The following FBRSL1 variants were observed in gnomAD, a reference collection of about 807,000 sequenced individuals.
FBRSL1 encodes the protein fibrosin like 1.
In FBRSL1, 51 loss-of-function variants were observed where a neutral mutation model predicts 89.6. The observed-to-expected ratio is 0.57, with a 90% confidence interval of 0.45 to 0.72. The LOEUF is 0.72. Among genes scored for constraint, FBRSL1 ranks in the 30% least tolerant of loss-of-function variants. FBRSL1 has a pLI of 0.00. For synonymous variants in FBRSL1, 779 were observed against 681.1 expected, an observed-to-expected ratio of 1.14 and a Z score of -2.24; for missense variants, 1,618 against 1,451.8, an observed-to-expected ratio of 1.11 and a Z score of -1.86.
chr12:132,569,471 G>A (rs1360826972), intron 6 of FBRSL1, among the ~76,000 whole-genome samples: 1 of 152,190 alleles, frequency 6.6e-6, no homozygotes, highest in Admixed American at 6.5e-5. Context: ...CATGCCCTGG[G>A]CTGAGGGCAC....
At chr12:132,501,156 G>C (rs914801680) in intron 1 of FBRSL1, among the ~76,000 whole-genome samples, 3 of 152,146 alleles carry the variant, frequency 2.0e-5, no homozygotes, top group African/African-American at 7.2e-5. Context: ...CTGCTCCCTG[G>C]GGCCCTGAGG....
chr12:132,577,021 C>T lies in FBRSL1; in HGVS notation c.1834+90C>T, dbSNP rs2040424446. Reference sequence around the variant, plus strand: ...CCTTCCTGTGCCAGGAGTGAGAGCGCTCTCTGGACCGCAGCACCAGCCTTT... The same window carrying T: ...CCTTCCTGTGCCAGGAGTGAGAGCGTTCTCTGGACCGCAGCACCAGCCTTT... On this transcript the variant is annotated intron_variant, in intron 15 of 18. Coordinates refer to ENST00000680143, the MANE Select transcript of FBRSL1 (RefSeq NM_001367871.1). 5 of 1,460,680 alleles carry T rather than the reference C, an allele frequency of 3.4e-6. No individual in the cohort carries two copies. In the South Asian group the frequency reaches 4.1e-5, roughly 12 times the overall value. The allele number at this position is 1,460,680 out of a possible 1,614,324, so 90.5% of individuals were successfully genotyped here.
chr12:132,525,635 T>TGGGGTGCC (rs2035727158), intron 2 of FBRSL1, 99 bp from the exon 3 acceptor site: 1 of 968,372 alleles, frequency 1.0e-6, no homozygotes, highest in South Asian at 1.5e-5. Flanking sequence ...GCCGGGGTGC[T>TGGGGTGCC]GGGGTGCCGG....
At chr12:132,521,225 G>A (rs1399153426) in intron 2 of FBRSL1, among the ~76,000 whole-genome samples, 1 of 152,252 alleles carries the variant, frequency 6.6e-6, no homozygotes, top group African/African-American at 2.4e-5. Context: ...GGAAGCGGGA[G>A]CTGCGAGGAG....
intron 5 of FBRSL1, among the ~76,000 whole-genome samples, chr12:132,559,662 A>G (rs2038945795): frequency 6.6e-6 from 1 of 152,110 alleles, no homozygotes; most frequent in African/African-American, 2.4e-5. Flanking sequence ...TCGGCCTCCC[A>G]AAGTGCTGTT....
intron 5 of FBRSL1, among the ~76,000 whole-genome samples, chr12:132,556,297 G>A (rs536501841): frequency 6.6e-6 from 1 of 152,274 alleles, no homozygotes; most frequent in Admixed American, 6.5e-5. Context: ...CTTGCTCAGA[G>A]AGTGCACACC....
At chr12:132,571,989 C>G (rs2040050980) in intron 9 of FBRSL1, 2 of 495,564 alleles carry the variant, frequency 4.0e-6, no homozygotes, top group Non-Finnish European at 7.1e-6. Context: ...CCCAGCGCGA[C>G]CCAGCAGCCA....
At chr12:132,551,501 C>G (rs146343797) in intron 5 of FBRSL1, 1 of 456,182 alleles carries the variant, frequency 2.2e-6, no homozygotes, top group Non-Finnish European at 4.4e-6. Flanking sequence ...GGGGAGGGCG[C>G]GGGCGCATGT....
chr12:132,497,982 T>C (rs1479645478), intron 1 of FBRSL1, among the ~76,000 whole-genome samples: 2 of 152,092 alleles, frequency 1.3e-5, no homozygotes, highest in East Asian at 3.9e-4. Context: ...GAAGTGGTCG[T>C]GTGGCAGCAG....
In FBRSL1 at chr12:132,583,436, G is replaced by T. The variant is rs1377524369; in HGVS notation, c.2667G>T (p.Glu889Asp). ...EPPERPYRDREPHGYSPERLR... is the reference protein window; with the variant it reads ...EPPERPYRDRDPHGYSPERLR... ...CGGAGCGCCCCTACCGCGACCGCGA[G>T]CCCCACGGCTACAGCCCCGAGCGCC... Residue 889 changes from glutamate to aspartate, a missense_variant, in exon 19 of 19, where the codon GAG becomes GAT. By Grantham distance (45) the Glu-to-Asp change is conservative (BLOSUM62 2). Transcript: ENST00000680143. 3 of 1,070,828 alleles carry T rather than the reference G, an allele frequency of 2.8e-6. No individual in the cohort carries two copies. The highest frequency in any genetic ancestry group is 3.4e-6 in the Non-Finnish European group (3 of 883,330). The allele number at this position is 1,070,828 out of a possible 1,614,324, so 66.3% of individuals were successfully genotyped here.
intron 8 of FBRSL1, 95 bp downstream of exon 8, chr12:132,570,635 G>C (rs758039361): frequency 5.3e-5 from 60 of 1,132,576 alleles, no homozygotes; most frequent in Non-Finnish European, 6.7e-5. Flanking sequence ...CCCTCCACCT[G>C]CTGTGGTCTC....
At chr12:132,536,070 AGT>A (rs934731066) in intron 4 of FBRSL1, among the ~76,000 whole-genome samples, 19 of 146,830 alleles carry the variant, frequency 1.3e-4, no homozygotes, top group South Asian at 4.4e-4. Context: ...TGTGCATGAT[AGT>A]GTGTTCTGTG....
chr12:132,567,602 T>G lies in FBRSL1; in HGVS notation c.691+76T>G, dbSNP rs535289094. The G allele has an allele frequency of 1.6e-4, 227 of 1,437,430 alleles. 5 individuals carry two copies. The South Asian group carries it at 2.7e-3, about 17-fold the overall frequency. 89.0% of individuals were successfully genotyped at this position (1,437,430 alleles called of 1,614,324 possible). A position where few individuals can be genotyped will look rare whatever the true frequency, so the allele number is the denominator to read the frequency against. ...CGCCCTGCGTCTTGGCGGCAGGACA[T>G]CCCCCTGAAGTCAGGGGAGAGATGG... On this transcript the variant is annotated intron_variant, in intron 6 of 18. Transcript: ENST00000680143.
chr12:132,580,867 C>G lies in FBRSL1; in HGVS notation c.1835-572C>G, dbSNP rs915430469. 14 of 985,092 alleles carry G rather than the reference C, an allele frequency of 1.4e-5. No homozygotes were observed. The African/African-American group carries it at 2.1e-4, about 15-fold the overall frequency. 61.0% of individuals were successfully genotyped at this position (985,092 alleles called of 1,614,324 possible). A position where few individuals can be genotyped will look rare whatever the true frequency, so the allele number is the denominator to read the frequency against. ...CACTGAATCCCCTGCAGCAGCCCCT[C>G]CCAGGGCCCGGGCCCAGGCCCCACA... is the stretch of plus-strand genomic sequence containing the variant. On this transcript the variant is annotated intron_variant, in intron 15 of 18. Transcript: ENST00000680143.
At chr12:132,492,412 A>G (rs1013413020) in intron 1 of FBRSL1, among the ~76,000 whole-genome samples, 14 of 151,786 alleles carry the variant, frequency 9.2e-5, no homozygotes, top group South Asian at 2.1e-4. Context: ...TTTGCTCTCC[A>G]TTTTCGTCTC....
intron 1 of FBRSL1, among the ~76,000 whole-genome samples, chr12:132,494,730 G>C (rs1305489625): frequency 6.6e-6 from 1 of 152,236 alleles, no homozygotes; most frequent in Admixed American, 6.5e-5. Flanking sequence ...CCATAAGAAG[G>C]TGCGTGCTGA....
chr12:132,565,550 T>C (rs2039551658), intron 5 of FBRSL1: 1 of 152,250 alleles, frequency 6.6e-6, no homozygotes, highest in Non-Finnish European at 1.5e-5. Context: ...TACCCGAGTG[T>C]GCCCATGTTC....
rs1274841967 is a variant in FBRSL1, at chr12:132,583,846, C to G, written c.*68C>G. 5.2e-6 allele frequency: 5 copies of G among 963,900 alleles called. No homozygotes were observed. The African/African-American group carries it at 5.2e-5, about 10-fold the overall frequency. The allele number at this position is 963,900 out of a possible 1,614,324, so 59.7% of individuals were successfully genotyped here. A position where few individuals can be genotyped will look rare whatever the true frequency, so the allele number is the denominator to read the frequency against. Reference sequence around the variant, plus strand: ...TCCGTCTCTCCATCAGTTCCTAGAACTCAAGCACAGCTCCCGCCGATCCTG... The same window carrying G: ...TCCGTCTCTCCATCAGTTCCTAGAAGTCAAGCACAGCTCCCGCCGATCCTG... On this transcript the variant is annotated 3_prime_UTR_variant, in exon 19 of 19. Coordinates refer to ENST00000680143, the MANE Select transcript of FBRSL1 (RefSeq NM_001367871.1).
intron 4 of FBRSL1, among the ~76,000 whole-genome samples, chr12:132,531,369 G>A (rs2036262625): frequency 6.6e-6 from 1 of 152,138 alleles, no homozygotes; most frequent in Non-Finnish European, 1.5e-5. Context: ...GTGTGGGCGT[G>A]TGTGTGCATG....
Sources: gnomAD v4.1 joint callset for allele counts (sites outside exome capture counted in the v4.1 genomes callset) on GRCh38, gnomAD v4.1.1 for gene constraint, MANE v1.5 for transcripts, NCBI Gene and HGNC (gene_info 2026-07-23, HGNC 2026-07-21) for gene names.